The following SLC37A3 variants were observed in gnomAD, a reference collection of about 807,000 sequenced individuals.
The protein encoded by SLC37A3 is sugar phosphate exchanger 3.
Under a neutral mutation model 67.1 loss-of-function variants are expected in SLC37A3, and 51 were observed. The observed-to-expected ratio is 0.76, with a 90% confidence interval of 0.61 to 0.96. The LOEUF (loss-of-function observed/expected upper bound fraction) is 0.96, where lower values mean the gene tolerates loss of function less well. SLC37A3 is among the 40% of genes least tolerant of loss of function. The pLI is 0.00. For synonymous variants in SLC37A3, 214 were observed against 231.4 expected, an observed-to-expected ratio of 0.92 and a Z score of 0.68; for missense variants, 508 against 603.0, an observed-to-expected ratio of 0.84 and a Z score of 1.65.
intron 1 of SLC37A3, among the ~76,000 whole-genome samples, chr7:140,387,720 A>G (rs1798523097): frequency 1.0e-5 from 1 of 100,048 alleles, no homozygotes; most frequent in Non-Finnish European, 1.8e-5. Flanking sequence ...TATACTATAT[A>G]TATTATATAA....
Position 140,358,702 on chromosome 7 carries a change from C to T in SLC37A3, c.459G>A (p.Leu153=), listed in dbSNP as rs754318073. 1 of 1,614,168 alleles carries T rather than the reference C, an allele frequency of 6.2e-7. No homozygotes were observed. The highest frequency in any genetic ancestry group is 2.2e-5 in the East Asian group (1 of 44,880). Residue 153 remains leucine (L), a synonymous_variant, in exon 6 of 15, where the codon CTG becomes CTA. Coordinates refer to ENST00000326232, the MANE Select transcript of SLC37A3 (RefSeq NM_207113.3). ...LYCCLWIVNG[L]LQSTGWPCVV... is the part of the protein sequence containing the mutation. ...CACAGGGCCAACCAGTGGACTGCAG[C>T]AGGCCGTTCACAATCCACAGGCAGC...
intron 8 of SLC37A3, 43 bp from the exon 9 acceptor site, chr7:140,351,494 C>T (rs769186281): frequency 7.6e-6 from 12 of 1,584,332 alleles, no homozygotes; most frequent in South Asian, 3.4e-5. Flanking sequence ...GTGCCTACCA[C>T]GTGTGAAGGG....
At chr7:140,337,138 G>T in intron 14 of SLC37A3, 146 bp downstream of exon 14, 3 of 345,016 alleles carry the variant, frequency 8.7e-6, no homozygotes, top group Non-Finnish European at 1.6e-5. Flanking sequence ...AGAAGAAGAA[G>T]ATGTCTTTTA....
In SLC37A3 at chr7:140,348,619, G is replaced by T. The variant is rs755433468; in HGVS notation, c.1024+7C>A. On this transcript the variant is annotated splice_region_variant and intron_variant, in intron 10 of 14. Transcript: ENST00000326232. Reference sequence around the variant, plus strand: ...TTTATTATGGAAAAGATGTATCACCGGCATACCTATGATCCCTCCAACGTC... The same window carrying T: ...TTTATTATGGAAAAGATGTATCACCTGCATACCTATGATCCCTCCAACGTC... 6.3e-6 allele frequency: 10 copies of T among 1,599,298 alleles called. No homozygotes were observed. The highest frequency in any genetic ancestry group is 8.5e-6 in the Non-Finnish European group (10 of 1,175,822).
Position 140,358,593 on chromosome 7 carries a change from T to C in SLC37A3, c.521+47A>G, listed in dbSNP as rs371636612. On this transcript the variant is annotated intron_variant, in intron 6 of 14. Coordinates refer to ENST00000326232, the MANE Select transcript of SLC37A3 (RefSeq NM_207113.3). ...TTTGACAAGTCTGAAAAATCCACCA[T>C]GGAAACCACTTAAACAGAGAAATTA... is the stretch of plus-strand genomic sequence containing the variant. 1.7e-5 allele frequency: 28 copies of C among 1,609,178 alleles called. No individual in the cohort carries two copies. The Admixed American group carries it at 2.0e-4, about 12-fold the overall frequency.
intron 3 of SLC37A3, among the ~76,000 whole-genome samples, chr7:140,378,011 C>T (rs1008022400): frequency 2.0e-5 from 3 of 152,318 alleles, no homozygotes; most frequent in South Asian, 2.1e-4. Context: ...GACAGCCACA[C>T]GTACTCTATG....
chr7:140,340,635 T>TA (rs1305576495), intron 13 of SLC37A3, among the ~76,000 whole-genome samples: 1 of 151,560 alleles, frequency 6.6e-6, no homozygotes, highest in East Asian at 1.9e-4. Context: ...TTTTTTTTTT[T>TA]AGACAGGGTC....
chr7:140,357,223 AC>A (rs1797066502), intron 6 of SLC37A3, among the ~76,000 whole-genome samples: 1 of 152,096 alleles, frequency 6.6e-6, no homozygotes, highest in South Asian at 2.1e-4. Context: ...CTGGGGAAAA[AC>A]AAAAAAAAGG....
chr7:140,361,299 A>G (rs138672858), intron 5 of SLC37A3, among the ~76,000 whole-genome samples: 5,367 of 152,048 alleles, frequency 0.035, 133 homozygotes, highest in South Asian at 0.061. Flanking sequence ...CCTGACCAAC[A>G]TGGAGAAACC....
At chr7:140,373,671 T>A (rs1469539260) in intron 3 of SLC37A3, among the ~76,000 whole-genome samples, 2 of 123,954 alleles carry the variant, frequency 1.6e-5, no homozygotes, top group Non-Finnish European at 3.4e-5. Flanking sequence ...AAAGAACTTT[T>A]TTTTTCTTTT....
intron 1 of SLC37A3, among the ~76,000 whole-genome samples, chr7:140,394,486 G>A (rs1798840831): frequency 1.3e-5 from 2 of 151,792 alleles, no homozygotes. Context: ...GCCAGTTGTG[G>A]TGGCGGACAC....
intron 13 of SLC37A3, among the ~76,000 whole-genome samples, chr7:140,339,333 T>C (rs1796265509): frequency 6.7e-6 from 1 of 149,204 alleles, no homozygotes; most frequent in African/African-American, 2.5e-5. Context: ...TGATCTTGGC[T>C]CACTGCAACC....
chr7:140,390,281 C>T (rs546401289), intron 1 of SLC37A3, among the ~76,000 whole-genome samples: 2 of 152,156 alleles, frequency 1.3e-5, no homozygotes, highest in South Asian at 4.1e-4. Flanking sequence ...GCCCTTTTGA[C>T]CATGCTCTCT....
rs572390678 is a variant in SLC37A3 at position 140,334,464 on chromosome 7, G to A, written c.*948C>T. ...GGTCTTTCCCTTTTCTCTAATTCTA[G>A]TCTTCTGCTGAGGTAACTCCAGGAA... On this transcript the variant is annotated 3_prime_UTR_variant, in exon 15 of 15. Transcript: ENST00000326232. 7.9e-5 allele frequency: 12 copies of A among 152,654 alleles called. No individual in the cohort carries two copies. In the South Asian group the frequency reaches 2.3e-3, roughly 29 times the overall value. The allele number at this position is 152,654 out of a possible 1,614,324, so 9.5% of individuals were successfully genotyped here.
chr7:140,395,884 A>G (rs1023401923), intron 1 of SLC37A3, among the ~76,000 whole-genome samples: 1 of 152,194 alleles, frequency 6.6e-6, no homozygotes, highest in African/African-American at 2.4e-5. Flanking sequence ...ATGTCTGCAC[A>G]GTAAAAAGAT....
chr7:140,377,628 A>C (rs6955063), intron 3 of SLC37A3, among the ~76,000 whole-genome samples: 24,516 of 152,188 alleles, frequency 0.16, 2,649 homozygotes, highest in African/African-American at 0.3. Context: ...AAACACCCAG[A>C]GCTATGCATA....
intron 7 of SLC37A3, among the ~76,000 whole-genome samples, chr7:140,353,705 A>T: frequency 6.6e-6 from 1 of 151,208 alleles, no homozygotes; most frequent in Non-Finnish European, 1.5e-5. Context: ...TTCACTTAGC[A>T]CACTGTTTTG....
intron 6 of SLC37A3, among the ~76,000 whole-genome samples, chr7:140,357,113 C>T (rs1416299382): frequency 6.6e-6 from 1 of 152,016 alleles, no homozygotes; most frequent in Non-Finnish European, 1.5e-5. Context: ...ACTCGGGAGG[C>T]TGAGGAAGGA....
Position 140,343,514 on chromosome 7 carries a change from CG to C in SLC37A3, c.1223del (p.Ala408GlyfsTer37). 1 of 1,614,072 alleles carries C rather than the reference CG, an allele frequency of 6.2e-7. No individual in the cohort carries two copies. Among genetic ancestry groups the C allele is most frequent in the Non-Finnish European group, 8.5e-7 (1 of 1,180,018 alleles). Reference sequence around the variant, plus strand: ...GGATGAGCTCCTGGCGACCCAAGTCCGCAGAAATAGCAGAACTAATCATATT... The same window carrying C: ...GGATGAGCTCCTGGCGACCCAAGTCCCAGAAATAGCAGAACTAATCATATT... The part of the protein sequence containing the change: ...PSNMISSAIS[A>X]DLGRQELIQR... On this transcript the variant is annotated frameshift_variant, in exon 13 of 15. Coordinates refer to ENST00000326232, the MANE Select transcript of SLC37A3 (RefSeq NM_207113.3). LOFTEE classifies it high-confidence loss of function.
Sources: gnomAD v4.1 joint callset for allele counts (sites outside exome capture counted in the v4.1 genomes callset) on GRCh38, gnomAD v4.1.1 for gene constraint, MANE v1.5 for transcripts, NCBI Gene and HGNC (gene_info 2026-07-23, HGNC 2026-07-21) for gene names.